Variants in EPHA6 observed in about 807,000 individuals in gnomAD.
EPHA6 encodes EPH receptor A6.
EPHA6 carries 50 observed loss-of-function variants against 112.0 expected under a neutral mutation model. The observed-to-expected ratio is 0.45, with a 90% CI of 0.36 to 0.56. EPHA6 has a LOEUF of 0.56. Among genes scored for constraint, EPHA6 ranks in the 20% least tolerant of loss-of-function variants. The probability of loss-of-function intolerance (pLI) is 0.00; values close to 1 mark genes in which losing one functional copy is unlikely to be tolerated. For missense variants in EPHA6, 1,280 were observed against 1,417.4 expected, an observed-to-expected ratio of 0.90 and a Z score of 1.56; for synonymous variants, 529 against 490.7, an observed-to-expected ratio of 1.08 and a Z score of -1.03.
chr3:97,337,014 C>A (rs371912703), intron 5 of EPHA6, among the ~76,000 whole-genome samples: 45 of 151,940 alleles, frequency 3.0e-4, no homozygotes, highest in African/African-American at 1.1e-3. Flanking sequence ...TTTCATAAAA[C>A]TCACCATTAT....
At chr3:96,931,481 G>A (rs1247257976) in intron 2 of EPHA6, among the ~76,000 whole-genome samples, 1 of 151,732 alleles carries the variant, frequency 6.6e-6, no homozygotes, top group Admixed American at 6.6e-5. Context: ...AAACTGGCTG[G>A]GGTGGCTGAA....
intron 3 of EPHA6, among the ~76,000 whole-genome samples, chr3:97,102,662 T>C (rs2047438484): frequency 6.6e-6 from 1 of 152,162 alleles, no homozygotes; most frequent in Admixed American, 6.6e-5. Context: ...CTGGGTTAAA[T>C]GGTAGTTCTG....
At chr3:96,902,119 T>C (rs1241605493) in intron 2 of EPHA6, among the ~76,000 whole-genome samples, 1 of 152,258 alleles carries the variant, frequency 6.6e-6, no homozygotes. Flanking sequence ...GACAAGGCCA[T>C]GGAAAGGACA....
chr3:97,132,934 T>C (rs1442452455), intron 3 of EPHA6, among the ~76,000 whole-genome samples: 2 of 152,094 alleles, frequency 1.3e-5, no homozygotes, highest in African/African-American at 2.4e-5. Flanking sequence ...TTTGAGGATA[T>C]TGAACTCTAG....
At chr3:97,704,766 A>G (rs2033591088) in intron 14 of EPHA6, among the ~76,000 whole-genome samples, 2 of 152,154 alleles carry the variant, frequency 1.3e-5, no homozygotes, top group Admixed American at 1.3e-4. Flanking sequence ...CTCTCTATTT[A>G]GATTATTTAA....
intron 5 of EPHA6, among the ~76,000 whole-genome samples, chr3:97,395,894 G>A (rs1278718292): frequency 1.3e-5 from 2 of 151,644 alleles, no homozygotes; most frequent in African/African-American, 4.8e-5. Context: ...GATAGATGAG[G>A]GAAGGTGGAA....
chr3:97,550,207 T>A (rs967046394), intron 11 of EPHA6, among the ~76,000 whole-genome samples: 73 of 152,172 alleles, frequency 4.8e-4, no homozygotes, highest in African/African-American at 1.5e-3. Flanking sequence ...CATTTTATGA[T>A]CTCTCACAGT....
rs572921638 is a variant in EPHA6, at chr3:97,520,799, C to T, written c.2201-11559C>T. 2.0e-5 allele frequency among the ~76,000 whole-genome samples: 3 copies of T among 152,268 alleles called. No homozygotes were observed. In the South Asian group the frequency reaches 6.2e-4, roughly 32 times the overall value. On this transcript the variant is annotated intron_variant, in intron 10 of 17. Coordinates refer to ENST00000389672, the MANE Select transcript of EPHA6 (RefSeq NM_001080448.3). ...ATTATTTCATTACATAGTTTTCTCT[C>T]CTTTCGGTATTGTCTTCACCTTCTG... is the stretch of plus-strand genomic sequence containing the variant.
At chr3:96,974,938 T>G (rs1576217238) in intron 2 of EPHA6, among the ~76,000 whole-genome samples, 1 of 152,230 alleles carries the variant, frequency 6.6e-6, no homozygotes, top group South Asian at 2.1e-4. Flanking sequence ...TACTCATAAG[T>G]CCCAGAGAGG....
intron 3 of EPHA6, among the ~76,000 whole-genome samples, chr3:97,063,801 G>A (rs113535599): frequency 1.8e-4 from 27 of 152,220 alleles, no homozygotes; most frequent in African/African-American, 6.3e-4. Flanking sequence ...TCTCTCCAGC[G>A]TACACTTCTG....
intron 3 of EPHA6, among the ~76,000 whole-genome samples, chr3:97,077,594 C>T (rs1222165362): frequency 1.4e-5 from 2 of 142,756 alleles, no homozygotes; most frequent in Non-Finnish European, 3.0e-5. Flanking sequence ...CGCCCTTTGT[C>T]CAAGTGTTCT....
At chr3:97,428,778 C>A (rs1484425559) in intron 6 of EPHA6, among the ~76,000 whole-genome samples, 6 of 152,156 alleles carry the variant, frequency 3.9e-5, no homozygotes, top group Non-Finnish European at 1.5e-5. Flanking sequence ...TGCCTGAGAT[C>A]CGGGTACTAG....
intron 3 of EPHA6, among the ~76,000 whole-genome samples, chr3:97,052,577 G>A (rs1265834017): frequency 6.6e-6 from 1 of 152,182 alleles, no homozygotes; most frequent in East Asian, 1.9e-4. Flanking sequence ...ATCATTGAAT[G>A]TATGGGAAAG....
chr3:97,271,011 T>G (rs2079859404), intron 5 of EPHA6, among the ~76,000 whole-genome samples: 1 of 152,224 alleles, frequency 6.6e-6, no homozygotes, highest in Admixed American at 6.5e-5. Flanking sequence ...CCAGAGTATA[T>G]CTCATATTTG....
At chr3:97,704,524 G>A (rs1341947417) in intron 14 of EPHA6, among the ~76,000 whole-genome samples, 2 of 152,072 alleles carry the variant, frequency 1.3e-5, no homozygotes, top group African/African-American at 4.8e-5. Flanking sequence ...GGGACTTCTA[G>A]GCCTCCATAA....
At chr3:97,422,376 G>A (rs28752200) in intron 6 of EPHA6, among the ~76,000 whole-genome samples, 2,428 of 152,066 alleles carry the variant, frequency 0.016, 78 homozygotes, top group African/African-American at 0.055. Flanking sequence ...ATTAGTAATA[G>A]GGAAACTGCA....
chr3:97,106,261 T>C (rs1318951023), intron 3 of EPHA6, among the ~76,000 whole-genome samples: 2 of 152,106 alleles, frequency 1.3e-5, no homozygotes, highest in African/African-American at 4.8e-5. Flanking sequence ...TCTCAGTTTA[T>C]CCAGTGATAC....
chr3:96,858,967 G>A (rs191507157), intron 1 of EPHA6, among the ~76,000 whole-genome samples: 12 of 152,170 alleles, frequency 7.9e-5, no homozygotes, highest in Admixed American at 4.6e-4. Context: ...ATGTAAATAG[G>A]CCTTGACTTT....
intron 3 of EPHA6, among the ~76,000 whole-genome samples, chr3:97,187,741 GAA>G (rs1240522453): frequency 1.2e-4 from 18 of 146,618 alleles, no homozygotes; most frequent in African/African-American, 4.5e-4. Flanking sequence ...AAGAAAGAAA[GAA>G]AGAGGAAAGA....
Sources: gnomAD v4.1 joint callset for allele counts (sites outside exome capture counted in the v4.1 genomes callset) on GRCh38, gnomAD v4.1.1 for gene constraint, MANE v1.5 for transcripts, NCBI Gene and HGNC (gene_info 2026-07-23, HGNC 2026-07-21) for gene names.